The following DRC8 variants were observed in gnomAD, a reference collection of about 807,000 sequenced individuals.
DRC8 encodes dynein regulatory complex protein 8.
At chr1:245,078,703 G>A in the DRC8 span, among the ~76,000 whole-genome samples, 2 of 152,148 alleles carry the variant, frequency 1.3e-5, no homozygotes, top group Non-Finnish European at 2.9e-5. Flanking sequence ...TGGTCAAAGA[G>A]TACAAACTTT....
chr1:244,970,522 G>C, the DRC8 span: 2 of 1,494,442 alleles, frequency 1.3e-6, no homozygotes, highest in Non-Finnish European at 1.8e-6. Flanking sequence ...GCCGGGTGGG[G>C]TGGGCCCTCG....
At chr1:244,978,692 G>T in the DRC8 span, among the ~76,000 whole-genome samples, 2 of 152,086 alleles carry the variant, frequency 1.3e-5, no homozygotes, top group East Asian at 3.9e-4. Flanking sequence ...ATCTTGCTCT[G>T]TTGCCCAGGC....
At chr1:245,068,123 G>A in the DRC8 span, among the ~76,000 whole-genome samples, 6 of 152,150 alleles carry the variant, frequency 3.9e-5, no homozygotes, top group Admixed American at 1.3e-4. Context: ...AACATTTAAC[G>A]ATGCCAAAGC....
chr1:245,045,811 G>A, the DRC8 span, among the ~76,000 whole-genome samples: 1 of 152,094 alleles, frequency 6.6e-6, no homozygotes, highest in Non-Finnish European at 1.5e-5. Context: ...TCAGAGGCCG[G>A]AGTGAACAAA....
At chr1:245,121,895 C>CTTATTTTATTTTATT in the DRC8 span, 752 of 416,996 alleles carry the variant, frequency 1.8e-3, 8 homozygotes, top group African/African-American at 0.015. Context: ...TTTCTTTTTT[C>CTTATTTTATTTTATT]TTATTTTATT....
At chr1:245,051,762 T>C in the DRC8 span, among the ~76,000 whole-genome samples, 1 of 152,146 alleles carries the variant, frequency 6.6e-6, no homozygotes, top group East Asian at 1.9e-4. Context: ...AGGAAACAGC[T>C]AATAAAGAAA....
chr1:245,018,314 A>C, the DRC8 span, among the ~76,000 whole-genome samples: 2 of 152,102 alleles, frequency 1.3e-5, no homozygotes, highest in African/African-American at 4.8e-5. Flanking sequence ...TGCAATCTCA[A>C]GACCAGAACC....
At chr1:245,059,373 T>G in the DRC8 span, 3 of 1,598,818 alleles carry the variant, frequency 1.9e-6, no homozygotes, top group Non-Finnish European at 2.6e-6. Flanking sequence ...ATTGAAAACT[T>G]TTTTTTTTCC....
the DRC8 span, among the ~76,000 whole-genome samples, chr1:245,063,688 G>A: frequency 8.3e-4 from 127 of 152,218 alleles, no homozygotes; most frequent in African/African-American, 2.9e-3. Flanking sequence ...CACAATGGTG[G>A]CCCACTGCTC....
the DRC8 span, chr1:244,970,659 T>TCCGCCCCGCCCGGCCCGC: frequency 2.8e-5 from 1 of 35,340 alleles, no homozygotes; most frequent in African/African-American, 2.1e-4. Flanking sequence ...CCGCCCCGCC[T>TCCGCCCCGCCCGGCCCGC]CTCTCCCCCG....
At chr1:245,062,182 A>G in the DRC8 span, among the ~76,000 whole-genome samples, 133 of 152,328 alleles carry the variant, frequency 8.7e-4, 1 homozygote, top group African/African-American at 3.0e-3. Context: ...CATGTACTTG[A>G]ACTTTAGTGT....
the DRC8 span, among the ~76,000 whole-genome samples, chr1:245,054,090 A>G: frequency 1.3e-5 from 2 of 152,082 alleles, no homozygotes; most frequent in Non-Finnish European, 2.9e-5. Context: ...AAGAAAAAAC[A>G]TCCTCTTTAA....
At chr1:245,089,511 G>T in the DRC8 span, among the ~76,000 whole-genome samples, 4 of 152,058 alleles carry the variant, frequency 2.6e-5, no homozygotes, top group African/African-American at 9.7e-5. This position sits in a 1 kb window ranked among gnomAD's most constrained non-coding sequence, Gnocchi z 4.8. Flanking sequence ...AGATCGGAGA[G>T]AATTGCAAGG....
the DRC8 span, chr1:245,107,424 C>G: frequency 5.0e-3 from 767 of 152,560 alleles, 6 homozygotes; most frequent in African/African-American, 0.017. Flanking sequence ...CCGTGCACCC[C>G]GGGTCCTTCT....
chr1:245,021,768 C>T, the DRC8 span, among the ~76,000 whole-genome samples: 3 of 151,910 alleles, frequency 2.0e-5, no homozygotes, highest in Non-Finnish European at 2.9e-5. Flanking sequence ...ATAACTCAGA[C>T]TTGTTTTGCC....
chr1:244,996,930 T>C, the DRC8 span, among the ~76,000 whole-genome samples: 1 of 152,180 alleles, frequency 6.6e-6, no homozygotes, highest in Non-Finnish European at 1.5e-5. Flanking sequence ...GATGCTGAAG[T>C]CCCTTACATA....
chr1:244,994,271 C>T, the DRC8 span, among the ~76,000 whole-genome samples: 1 of 152,094 alleles, frequency 6.6e-6, no homozygotes, highest in Non-Finnish European at 1.5e-5. Context: ...TTAGTTCAGG[C>T]TTAAGGTGTT....
At chr1:245,087,972 A>G in the DRC8 span, 1 of 278,036 alleles carries the variant, frequency 3.6e-6, no homozygotes, top group Non-Finnish European at 5.5e-6. Context: ...AACTAGAGAA[A>G]AGAAGGTTGA....
At chr1:244,992,232 C>A in the DRC8 span, among the ~76,000 whole-genome samples, 1 of 152,176 alleles carries the variant, frequency 6.6e-6, no homozygotes, top group Non-Finnish European at 1.5e-5. Flanking sequence ...AATTGGGCCA[C>A]ATTTCCCTTA....
Sources: allele counts gnomAD v4.1 joint callset (sites outside exome capture counted in the v4.1 genomes callset), GRCh38; gene constraint gnomAD v4.1.1; non-coding constraint Gnocchi (gnomAD v3.1); transcripts MANE v1.5; gene names NCBI Gene and HGNC (gene_info 2026-07-23, HGNC 2026-07-21).